Variants in DAAM2 observed in about 807,000 individuals in gnomAD.
DAAM2 encodes dishevelled associated activator of morphogenesis 2.
DAAM2 carries 39 observed loss-of-function variants against 120.7 expected under a neutral mutation model. The observed-to-expected ratio is 0.32, with a 90% CI of 0.25 to 0.42. The LOEUF is 0.42. DAAM2 is among the 10% of genes least tolerant of loss of function. The pLI, the probability that DAAM2 is intolerant of heterozygous loss-of-function variation, is 1.00. For missense variants in DAAM2, 1,283 were observed against 1,401.7 expected, an observed-to-expected ratio of 0.92 and a Z score of 1.35; for synonymous variants, 488 against 524.9, an observed-to-expected ratio of 0.93 and a Z score of 0.96.
intron 2 of DAAM2, among the ~76,000 whole-genome samples, chr6:39,858,082 T>A (rs1010278320): frequency 1.3e-5 from 2 of 151,622 alleles, no homozygotes; most frequent in Admixed American, 1.3e-4. Flanking sequence ...TTCAGGACAA[T>A]GACAGAGGGT....
rs1220255375 is a variant in DAAM2 at position 39,884,139 on chromosome 6, TCTGC to T, written c.1953+81_1953+84del. 2.0e-5 allele frequency: 16 copies of T among 804,892 alleles called. No individual in the cohort carries two copies. In the Admixed American group the frequency reaches 2.7e-4, roughly 13 times the overall value. 49.9% of individuals were successfully genotyped at this position (804,892 alleles called of 1,614,324 possible). A position where few individuals can be genotyped will look rare whatever the true frequency, so the allele number is the denominator to read the frequency against. On this transcript the variant is annotated intron_variant, in intron 15 of 24. Transcript: ENST00000274867. The stretch of plus-strand genomic sequence containing the variant: ...CCAAACCTCAGCTTCTCCTTTTCTT[TCTGC>T]CTGCCTGCCTTCCTTTCCTTTCCTT...
chr6:39,837,508 C>A (rs984529720), intron 1 of DAAM2, among the ~76,000 whole-genome samples: 1 of 151,568 alleles, frequency 6.6e-6, no homozygotes, highest in African/African-American at 2.4e-5. Context: ...ACTAAAAATA[C>A]AAAAATTAGC....
At chr6:39,866,582 C>T (rs1420899350) in intron 5 of DAAM2, among the ~76,000 whole-genome samples, 3 of 152,148 alleles carry the variant, frequency 2.0e-5, no homozygotes, top group Admixed American at 6.5e-5. Context: ...TGGACTGCTT[C>T]GCAGAAATGA....
At chr6:39,806,917 A>G (rs190366937) in intron 1 of DAAM2, among the ~76,000 whole-genome samples, 165 of 152,010 alleles carry the variant, frequency 1.1e-3, no homozygotes, top group African/African-American at 3.8e-3. Context: ...CTCTTCACTA[A>G]GGGTGGAATT....
Position 39,901,312 on chromosome 6 carries a change from C to T in DAAM2, c.2822C>T (p.Ala941Val). 1 of 1,613,664 alleles carries T rather than the reference C, an allele frequency of 6.2e-7. No individual in the cohort carries two copies. Among genetic ancestry groups the T allele is most frequent in the South Asian group, 1.1e-5 (1 of 91,014 alleles). Reference protein sequence around the residue: ...LNEARDKFAKALMHFGEHDSK... With the variant: ...LNEARDKFAKVLMHFGEHDSK... ...TCTGTCCCTTGACAGTTCGCCAAGGCCTTGATGCACTTCGGGGAGCATGAC... is the reference window on the plus strand; with the variant it reads ...TCTGTCCCTTGACAGTTCGCCAAGGTCTTGATGCACTTCGGGGAGCATGAC... Residue 941 changes from alanine (A) to valine (V), a missense_variant, in exon 24 of 25, where the codon GCC (alanine) becomes GTC (valine). Coordinates refer to ENST00000274867, the MANE Select transcript of DAAM2 (RefSeq NM_001201427.2). The surrounding 1 kb of genome is among the most constrained non-coding windows in gnomAD (Gnocchi z 4.5).
chr6:39,871,865 G>A (rs887589942), intron 9 of DAAM2, among the ~76,000 whole-genome samples: 1 of 152,222 alleles, frequency 6.6e-6, no homozygotes, highest in Admixed American at 6.5e-5. Flanking sequence ...GGAGAAACAG[G>A]GAAGCCAGTA....
intron 1 of DAAM2, among the ~76,000 whole-genome samples, chr6:39,836,684 A>G (rs562548585): frequency 5.1e-4 from 77 of 152,318 alleles, no homozygotes; most frequent in African/African-American, 1.5e-3. Flanking sequence ...GGAAATTCTG[A>G]TGCAGGATAA....
intron 14 of DAAM2, chr6:39,883,502 C>T (rs56875380): frequency 0.29 from 45,535 of 157,182 alleles, 7,860 homozygotes; most frequent in Non-Finnish European, 0.38. Flanking sequence ...AAATACAGTC[C>T]GTGCTGCAGC....
chr6:39,849,890 G>T (rs2149271046), intron 1 of DAAM2, among the ~76,000 whole-genome samples: 1 of 152,238 alleles, frequency 6.6e-6, no homozygotes, highest in East Asian at 1.9e-4. Flanking sequence ...CTGAGCCTGG[G>T]GCCATTTCCT....
rs1423117767 is a variant in DAAM2 at position 39,878,808 on chromosome 6, C to CA, written c.1545+221dup. Among the ~76,000 whole-genome samples the CA allele has an allele frequency of 1.3e-5, 2 of 152,150 alleles. No homozygotes were observed. Among genetic ancestry groups the CA allele is most frequent in the African/African-American group, 4.8e-5 (2 of 41,434 alleles). ...CTCTGGGTGACACTGTGCCAGGAAGCACACCTTGGACAGCAGAGTGCAGCT... is the reference window on the plus strand; with the variant it reads ...CTCTGGGTGACACTGTGCCAGGAAGCAACACCTTGGACAGCAGAGTGCAGCT... On this transcript the variant is annotated intron_variant, in intron 13 of 24. Coordinates refer to ENST00000274867, the MANE Select transcript of DAAM2 (RefSeq NM_001201427.2). This position sits in a 1 kb window ranked among gnomAD's most constrained non-coding sequence, Gnocchi z 5.0.
At chr6:39,836,496 C>T (rs914937420) in intron 1 of DAAM2, among the ~76,000 whole-genome samples, 4 of 152,168 alleles carry the variant, frequency 2.6e-5, no homozygotes, top group African/African-American at 7.2e-5. Context: ...GAGCCCATGA[C>T]AGGTCAAGTA....
Position 39,900,218 on chromosome 6 carries a change from C to A in DAAM2, c.2811+10C>A. On this transcript the variant is annotated intron_variant, in intron 23 of 24. Transcript: ENST00000274867. ...TGAGGCCAGGGACAAGGTAAGGGTG[C>A]CCCAACCCCCACTGCTTGCCAACCC... 6.2e-7 allele frequency: 1 copy of A among 1,607,994 alleles called. No individual in the cohort carries two copies. The highest frequency in any genetic ancestry group is 8.5e-7 in the Non-Finnish European group (1 of 1,177,402).
At chr6:39,891,971 C>T (rs993437528) in intron 19 of DAAM2, among the ~76,000 whole-genome samples, 29 of 152,154 alleles carry the variant, frequency 1.9e-4, no homozygotes, top group African/African-American at 6.5e-4. Flanking sequence ...CAAGGTGGGG[C>T]GTCTGTTGAC....
chr6:39,865,139 G>T, intron 5 of DAAM2, 65 bp downstream of exon 5: 1 of 963,436 alleles, frequency 1.0e-6, no homozygotes, highest in Non-Finnish European at 1.6e-6. Flanking sequence ...TTGCCTTCCC[G>T]AAGCCCTGTG....
At chr6:39,820,311 C>G (rs1241049969) in intron 1 of DAAM2, 20 of 152,140 alleles carry the variant, frequency 1.3e-4, no homozygotes, top group Non-Finnish European at 2.9e-5. Flanking sequence ...TTTCAGTTAC[C>G]AGGTTTTAAA....
intron 1 of DAAM2, among the ~76,000 whole-genome samples, chr6:39,849,284 T>G (rs1763716848): frequency 6.6e-6 from 1 of 152,208 alleles, no homozygotes. Flanking sequence ...AAACAGTCCG[T>G]GGGCTGAACA....
rs150075122 is a variant in DAAM2 at position 39,842,499 on chromosome 6, G to A, written c.-56-13748G>A. The stretch of plus-strand genomic sequence containing the variant: ...ATATAAAAAATTTGCCGGGCGTGGT[G>A]GTGCATGCCTGTAAACCCAGCTACT... On this transcript the variant is annotated intron_variant, in intron 1 of 24. Transcript: ENST00000274867. Among the ~76,000 whole-genome samples the A allele has an allele frequency of 2.0e-5, 3 of 152,204 alleles. No individual in the cohort carries two copies. The East Asian group carries it at 5.8e-4, about 29-fold the overall frequency.
intron 1 of DAAM2, among the ~76,000 whole-genome samples, chr6:39,826,566 T>C (rs1250480136): frequency 2.0e-5 from 3 of 152,182 alleles, no homozygotes; most frequent in African/African-American, 7.2e-5. Context: ...CTGGAGAACA[T>C]ATCCAATTTG....
rs116828544 is a variant in DAAM2 at position 39,843,190 on chromosome 6, G to A, written c.-56-13057G>A. Among the ~76,000 whole-genome samples the A allele has an allele frequency of 2.9e-3, 445 of 152,168 alleles. 5 individuals carry two copies. The highest frequency in any genetic ancestry group is 9.6e-3 in the African/African-American group (399 of 41,512). On this transcript the variant is annotated intron_variant, in intron 1 of 24. Coordinates refer to ENST00000274867, the MANE Select transcript of DAAM2 (RefSeq NM_001201427.2). Reference sequence around the variant, plus strand: ...GCTGTGTGTATGGAAAGAGCACTGCGGGGGGAGTTGGAGATAAAAATGTCC... The same window carrying A: ...GCTGTGTGTATGGAAAGAGCACTGCAGGGGGAGTTGGAGATAAAAATGTCC...
Sources: allele counts gnomAD v4.1 joint callset (sites outside exome capture counted in the v4.1 genomes callset), GRCh38; gene constraint gnomAD v4.1.1; non-coding constraint Gnocchi (gnomAD v3.1); transcripts MANE v1.5; gene names NCBI Gene and HGNC (gene_info 2026-07-23, HGNC 2026-07-21).